Variants in RTN4R observed in about 807,000 individuals in gnomAD.
RTN4R encodes the protein reticulon 4 receptor.
In RTN4R, 4 loss-of-function variants were observed where a neutral mutation model predicts 27.7. The ratio of observed to expected loss-of-function variants is 0.14; its 90% CI spans 0.07 to 0.33. RTN4R has a LOEUF of 0.33. RTN4R is among the 10% of genes least tolerant of loss of function. The pLI is 1.00. For missense variants in RTN4R, 554 were observed against 671.5 expected (o/e 0.83, Z 1.93); for synonymous variants, 290 against 305.6 (o/e 0.95, Z 0.53).
At chr22:20,258,609 C>T (rs765617512) in intron 1 of RTN4R, among the ~76,000 whole-genome samples, 3 of 152,202 alleles carry the variant, frequency 2.0e-5, no homozygotes, top group Admixed American at 6.5e-5. Flanking sequence ...AAGTGAGCCA[C>T]GGGGGGCTAT....
intron 1 of RTN4R, among the ~76,000 whole-genome samples, chr22:20,266,092 T>G (rs1038431764): frequency 1.3e-5 from 2 of 152,188 alleles, no homozygotes; most frequent in African/African-American, 4.8e-5. Context: ...GCATGGGAGC[T>G]CACTTCCTCC....
At chr22:20,247,937 G>A (rs997313728) in intron 1 of RTN4R, among the ~76,000 whole-genome samples, 1 of 152,130 alleles carries the variant, frequency 6.6e-6, no homozygotes, top group African/African-American at 2.4e-5. Flanking sequence ...CAGCCCCCTC[G>A]GCTCCACTCT....
chr22:20,256,513 C>T (rs1056320980), intron 1 of RTN4R, among the ~76,000 whole-genome samples: 7 of 152,224 alleles, frequency 4.6e-5, no homozygotes, highest in Non-Finnish European at 1.0e-4. Flanking sequence ...AGCCCTGGCC[C>T]CATCCCCTTT....
rs369245226 is a variant in RTN4R at position 20,265,791 on chromosome 22, G to A, written c.22+2280C>T. ...CTGCTGAGTGGGGGTGTGGGGAGGT[G>A]TTGTGGGCATTCTGAGGCAGAAGCA... On this transcript the variant is annotated intron_variant, in intron 1 of 1. Coordinates refer to ENST00000043402, the MANE Select transcript of RTN4R (RefSeq NM_023004.6). 2.6e-5 allele frequency among the ~76,000 whole-genome samples: 4 copies of A among 152,344 alleles called. No individual in the cohort carries two copies. In the South Asian group the frequency reaches 6.2e-4, roughly 24 times the overall value.
At chr22:20,267,300 TG>T (rs2051283621) in intron 1 of RTN4R, among the ~76,000 whole-genome samples, 1 of 152,180 alleles carries the variant, frequency 6.6e-6, no homozygotes, top group African/African-American at 2.4e-5. Context: ...GCAGCCTGGG[TG>T]GGCACCTGGG....
At chr22:20,251,233 C>T (rs1043085682) in intron 1 of RTN4R, among the ~76,000 whole-genome samples, 2 of 151,842 alleles carry the variant, frequency 1.3e-5, no homozygotes, top group Non-Finnish European at 1.5e-5. Flanking sequence ...AGATCCGTGT[C>T]GATGTACTTC....
In RTN4R at chr22:20,242,717, C is replaced by T. The variant is rs775504686; in HGVS notation, c.416G>A (p.Arg139His). The T allele has an allele frequency of 3.1e-5, 50 of 1,612,300 alleles. No homozygotes were observed. The highest frequency in any genetic ancestry group is 1.2e-4 in the Admixed American group (7 of 59,958). ...CGGGCCCAGCTCCTGCAGGCCGCAG[C>T]GGTCCAGGTGCAGCGTGTGTAGGCG... ...LGRLHTLHLD[R>H]CGLQELGPGL... The change falls in exon 2 of 2, where the codon CGC becomes CAC. Residue 139 changes from arginine to histidine, a missense_variant. Coordinates refer to ENST00000043402, the MANE Select transcript of RTN4R (RefSeq NM_023004.6).
intron 1 of RTN4R, among the ~76,000 whole-genome samples, chr22:20,260,635 C>A (rs8140277): frequency 6.6e-6 from 1 of 152,168 alleles, no homozygotes; most frequent in Non-Finnish European, 1.5e-5. Context: ...GGGCCACGCC[C>A]GGGGGCAGGT....
chr22:20,250,429 A>G (rs1456324840), intron 1 of RTN4R, among the ~76,000 whole-genome samples: 1 of 152,248 alleles, frequency 6.6e-6, no homozygotes, highest in African/African-American at 2.4e-5. Flanking sequence ...CAGTTTGCCG[A>G]CCTGGTTTGT....
intron 1 of RTN4R, among the ~76,000 whole-genome samples, chr22:20,261,696 C>T (rs1020657331): frequency 6.6e-6 from 1 of 152,246 alleles, no homozygotes; most frequent in African/African-American, 2.4e-5. Flanking sequence ...TGCAACTGAT[C>T]CTCCTCACCG....
intron 1 of RTN4R, among the ~76,000 whole-genome samples, chr22:20,247,498 G>A (rs1424314990): frequency 2.7e-5 from 2 of 72,750 alleles, no homozygotes; most frequent in South Asian, 3.7e-4. Flanking sequence ...TCTGTCCCCC[G>A]ATCCTCGCTT....
chr22:20,248,477 C>A (rs759490141), intron 1 of RTN4R, among the ~76,000 whole-genome samples: 9 of 152,206 alleles, frequency 5.9e-5, no homozygotes, highest in Non-Finnish European at 1.3e-4. Context: ...TGAGAGCTGG[C>A]AGCCCTGGAT....
intron 1 of RTN4R, chr22:20,249,247 A>C (rs2051160964): frequency 3.8e-6 from 2 of 529,344 alleles, no homozygotes; most frequent in Non-Finnish European, 7.8e-6. Context: ...GCCTGCTCCC[A>C]CCCTGGGGAC....
intron 1 of RTN4R, among the ~76,000 whole-genome samples, chr22:20,247,531 C>T (rs544766766): frequency 1.3e-4 from 19 of 149,928 alleles, no homozygotes; most frequent in Non-Finnish European, 2.5e-4. Context: ...TACACCCACC[C>T]GCCATCCATC....
rs1236612988 is a variant in RTN4R, at chr22:20,255,888, A to G, written c.22+12183T>C. Among the ~76,000 whole-genome samples, 1 of 152,212 alleles carries G rather than the reference A, an allele frequency of 6.6e-6. No individual in the cohort carries two copies. Among genetic ancestry groups the G allele is most frequent in the Non-Finnish European group, 1.5e-5 (1 of 68,038 alleles). ...TCTCTCAGCTGCTATGAGAGCCCCC[A>G]ATGCGTCTCCACAACCAAACCGAGG... On this transcript the variant is annotated intron_variant, in intron 1 of 1. Coordinates refer to ENST00000043402, the MANE Select transcript of RTN4R (RefSeq NM_023004.6). The surrounding 1 kb of genome is among the most constrained non-coding windows in gnomAD (Gnocchi z 4.8).
intron 1 of RTN4R, chr22:20,243,644 C>A (rs371105918): frequency 2.4e-6 from 1 of 415,208 alleles, no homozygotes; most frequent in Non-Finnish European, 5.0e-6. Flanking sequence ...GGAGGAGTCG[C>A]GTCCCACAAC....
chr22:20,249,989 G>A, intron 1 of RTN4R, among the ~76,000 whole-genome samples: 1 of 152,230 alleles, frequency 6.6e-6, no homozygotes, highest in African/African-American at 2.4e-5. Flanking sequence ...TGAGCTGGGG[G>A]CAGCAGCTGG....
chr22:20,268,146 C>A lies in RTN4R; in HGVS notation c.-54G>T. On this transcript the variant is annotated 5_prime_UTR_variant, in exon 1 of 2. Transcript: ENST00000043402. Reference sequence around the variant, plus strand: ...ACTGAAAGTCGTTTCGGGGCGGGCGCCCGTCTCCCCGCGGCCGGGTCCGCA... The same window carrying A: ...ACTGAAAGTCGTTTCGGGGCGGGCGACCGTCTCCCCGCGGCCGGGTCCGCA... The A allele has an allele frequency of 9.5e-7, 1 of 1,052,188 alleles. No homozygotes were observed. Among genetic ancestry groups the A allele is most frequent in the Non-Finnish European group, 1.2e-6 (1 of 855,008 alleles). The allele number at this position is 1,052,188 out of a possible 1,614,324, so 65.2% of individuals were successfully genotyped here.
At chr22:20,257,844 C>A (rs913300798) in intron 1 of RTN4R, among the ~76,000 whole-genome samples, 3 of 152,112 alleles carry the variant, frequency 2.0e-5, no homozygotes, top group Non-Finnish European at 2.9e-5. Context: ...CTCCATGAGC[C>A]CCCACACCCC....
Sources: allele counts gnomAD v4.1 joint callset (sites outside exome capture counted in the v4.1 genomes callset), GRCh38; gene constraint gnomAD v4.1.1; non-coding constraint Gnocchi (gnomAD v3.1); transcripts MANE v1.5; gene names NCBI Gene and HGNC (gene_info 2026-07-23, HGNC 2026-07-21).